PAN3: variants seen among roughly 807,000 people sequenced by gnomAD.
PAN3 encodes the protein poly(A) specific ribonuclease subunit PAN3.
PAN3 carries 19 observed loss-of-function variants against 96.2 expected under a neutral mutation model. That is an observed-to-expected ratio of 0.20 (90% CI 0.14 to 0.29). PAN3 has a LOEUF of 0.29. Among genes scored for constraint, PAN3 ranks in the 10% least tolerant of loss-of-function variants. The pLI is 1.00. For synonymous variants in PAN3, 433 were observed against 406.6 expected (o/e 1.06, Z -0.78); for missense variants, 882 against 1,108.1 (o/e 0.80, Z 2.90).
intron 9 of PAN3, among the ~76,000 whole-genome samples, chr13:28,264,454 G>A (rs1259691072): frequency 1.3e-5 from 2 of 152,026 alleles, no homozygotes; most frequent in East Asian, 1.9e-4. Context: ...CACAAGACTC[G>A]CTTGAACCTG....
intron 1 of PAN3, among the ~76,000 whole-genome samples, chr13:28,152,354 G>C (rs899851258): frequency 1.3e-5 from 2 of 152,106 alleles, no homozygotes; most frequent in African/African-American, 2.4e-5. Context: ...GAAGGTGAGG[G>C]GGGTGGATCG....
chr13:28,258,165 T>G (rs913223247), intron 7 of PAN3, among the ~76,000 whole-genome samples: 17 of 152,044 alleles, frequency 1.1e-4, no homozygotes, highest in African/African-American at 3.6e-4. Flanking sequence ...AAAAAAGAGA[T>G]ATTATTCTCC....
At chr13:28,172,632 A>C (rs570199610) in intron 1 of PAN3, among the ~76,000 whole-genome samples, 1 of 152,190 alleles carries the variant, frequency 6.6e-6, no homozygotes, top group Non-Finnish European at 1.5e-5. Context: ...TTTTGCTGAA[A>C]TATTTTAAAC....
At chr13:28,206,315 CTT>C (rs71086837) in intron 5 of PAN3, among the ~76,000 whole-genome samples, 25 of 94,926 alleles carry the variant, frequency 2.6e-4, no homozygotes, top group African/African-American at 9.4e-4. Context: ...GTCTAACTGA[CTT>C]TTTTTTTTTT....
At chr13:28,219,577 TAA>T (rs1881167273) in intron 5 of PAN3, among the ~76,000 whole-genome samples, 5 of 152,340 alleles carry the variant, frequency 3.3e-5, no homozygotes, top group African/African-American at 9.6e-5. Flanking sequence ...CTTGAATATA[TAA>T]AGAGTTGTAG....
chr13:28,186,110 C>G (rs750948262), intron 4 of PAN3, among the ~76,000 whole-genome samples: 2 of 152,184 alleles, frequency 1.3e-5, no homozygotes, highest in Non-Finnish European at 2.9e-5. Context: ...GGAAGGAGAA[C>G]TTTTAAATTC....
At chr13:28,152,739 G>T (rs969541148) in intron 1 of PAN3, among the ~76,000 whole-genome samples, 2 of 152,144 alleles carry the variant, frequency 1.3e-5, no homozygotes, top group Non-Finnish European at 2.9e-5. Context: ...TTGAAAAAAT[G>T]ACAGCCCTTC....
intron 1 of PAN3, among the ~76,000 whole-genome samples, chr13:28,140,794 G>A (rs1056022763): frequency 2.0e-5 from 3 of 152,062 alleles, no homozygotes; most frequent in Admixed American, 1.3e-4. Flanking sequence ...ATTTGCTAAG[G>A]CTGATAATGC....
At chr13:28,215,758 A>G in intron 5 of PAN3, 1 of 1,470,650 alleles carries the variant, frequency 6.8e-7, no homozygotes, top group Non-Finnish European at 9.4e-7. Flanking sequence ...AGCTTCTCAG[A>G]CCATCCTCTT....
chr13:28,182,150 A>C (rs577649962), intron 4 of PAN3, among the ~76,000 whole-genome samples: 1 of 152,358 alleles, frequency 6.6e-6, no homozygotes, highest in East Asian at 1.9e-4. Context: ...AGATATTGGA[A>C]TACAGATATT....
intron 4 of PAN3, among the ~76,000 whole-genome samples, chr13:28,195,673 T>C (rs1001344494): frequency 6.6e-6 from 1 of 152,206 alleles, no homozygotes; most frequent in Admixed American, 6.5e-5. Context: ...GTAGCTGGGA[T>C]TACAGACATG....
chr13:28,181,227 A>T (rs144523324), intron 4 of PAN3, among the ~76,000 whole-genome samples: 245 of 152,202 alleles, frequency 1.6e-3, no homozygotes, highest in African/African-American at 5.8e-3. Flanking sequence ...AAAATAGTAC[A>T]GTCTGTTACA....
chr13:28,253,112 A>G (rs1884870287), intron 6 of PAN3, among the ~76,000 whole-genome samples: 1 of 152,160 alleles, frequency 6.6e-6, no homozygotes, highest in African/African-American at 2.4e-5. Context: ...GTTTCCTGAA[A>G]CCCTTTTAGC....
chr13:28,174,367 G>T lies in PAN3; in HGVS notation c.526G>T (p.Val176Leu). Residue 176 changes from valine to leucine, a missense_variant, in exon 2 of 19, where the codon GTA becomes TTA. Around this residue, in one of 3 missense-constraint regions of PAN3, gnomAD observed 442 missense variants for 422.8 expected, o/e 1.05. Coordinates refer to ENST00000380958, the MANE Select transcript of PAN3 (RefSeq NM_175854.8). ...TGGAGTCAATGGATTTGGAAGCCCT[G>T]TAGAAACAAAATATCCCCTGATGCA... is the stretch of plus-strand genomic sequence containing the variant. ...FIGVNGFGSP[V>L]ETKYPLMQRM... The T allele has an allele frequency of 1.9e-6, 3 of 1,613,324 alleles. No homozygotes were observed. Among genetic ancestry groups the T allele is most frequent in the Non-Finnish European group, 1.7e-6 (2 of 1,179,446 alleles).
At chr13:28,267,004 A>G (rs1886239196) in intron 10 of PAN3, 91 bp from the exon 11 acceptor site, 2 of 1,330,182 alleles carry the variant, frequency 1.5e-6, no homozygotes, top group African/African-American at 1.5e-5. Flanking sequence ...CTCATGAGCA[A>G]TGTATAAATA....
intron 4 of PAN3, among the ~76,000 whole-genome samples, chr13:28,192,009 T>C (rs1032194051): frequency 6.6e-6 from 1 of 151,892 alleles, no homozygotes; most frequent in Non-Finnish European, 1.5e-5. Context: ...AGTGCTGGGA[T>C]TACAGGCATG....
chr13:28,165,283 C>CTT (rs35652829), intron 1 of PAN3, among the ~76,000 whole-genome samples: 6,410 of 129,368 alleles, frequency 0.05, 266 homozygotes, highest in South Asian at 0.13. Context: ...CTTATATATC[C>CTT]TTTTTTTTTT....
intron 4 of PAN3, among the ~76,000 whole-genome samples, chr13:28,188,716 T>C (rs1188250199): frequency 2.0e-5 from 3 of 152,212 alleles, no homozygotes; most frequent in African/African-American, 7.2e-5. Flanking sequence ...ATTGGAAACT[T>C]TTTGTCCTGA....
At chr13:28,252,518 C>T (rs1884820054) in intron 6 of PAN3, among the ~76,000 whole-genome samples, 1 of 151,878 alleles carries the variant, frequency 6.6e-6, no homozygotes, top group Non-Finnish European at 1.5e-5. Context: ...ATAGATTAGC[C>T]TTGAAGTTTT....
Sources: gnomAD v4.1 joint callset for allele counts (sites outside exome capture counted in the v4.1 genomes callset) on GRCh38, gnomAD v4.1.1 for gene constraint, gnomAD v4.1.1 regional missense constraint, MANE v1.5 for transcripts, NCBI Gene and HGNC (gene_info 2026-07-23, HGNC 2026-07-21) for gene names.